Variants in LPCAT2 observed in about 807,000 individuals in gnomAD.
LPCAT2 encodes lysophosphatidylcholine acyltransferase 2.
A neutral mutation model predicts 64.7 loss-of-function variants in LPCAT2; 58 were observed. The observed-to-expected ratio is 0.90, with a 90% CI of 0.73 to 1.12. The LOEUF (loss-of-function observed/expected upper bound fraction) is 1.12. Ranked by LOEUF, LPCAT2 falls within the 50% of genes most tolerant of loss-of-function variation. LPCAT2 has a pLI of 0.00. For missense variants in LPCAT2, 579 were observed against 669.8 expected (o/e 0.86, Z 1.50); for synonymous variants, 252 against 245.3 (o/e 1.03, Z -0.26).
At chr16:55,550,475 C>T (rs375845435) in intron 10 of LPCAT2, among the ~76,000 whole-genome samples, 1 of 152,164 alleles carries the variant, frequency 6.6e-6, no homozygotes, top group Admixed American at 6.5e-5. Flanking sequence ...TATGGACTCA[C>T]TAAGTAATGT....
intron 11 of LPCAT2, among the ~76,000 whole-genome samples, chr16:55,570,559 G>A (rs7186553): frequency 0.54 from 81,271 of 151,624 alleles, 22,051 homozygotes; most frequent in East Asian, 0.73. Context: ...GCTTGAGCCC[G>A]GGGGGTCCAG....
intron 1 of LPCAT2, among the ~76,000 whole-genome samples, chr16:55,524,056 A>G (rs1230465605): frequency 2.0e-5 from 3 of 151,884 alleles, no homozygotes; most frequent in Non-Finnish European, 4.4e-5. Context: ...AATAACATCT[A>G]TGAGCCAGCA....
intron 1 of LPCAT2, among the ~76,000 whole-genome samples, chr16:55,517,645 G>A (rs1191734088): frequency 2.0e-5 from 3 of 152,054 alleles, no homozygotes; most frequent in Non-Finnish European, 2.9e-5. Flanking sequence ...TTATACCATG[G>A]CAAAGTCATA....
chr16:55,541,981 T>C (rs1350831109), intron 8 of LPCAT2: 1 of 1,183,046 alleles, frequency 8.5e-7, no homozygotes, highest in East Asian at 5.9e-5. Flanking sequence ...CCTTTTAAAA[T>C]TATTTTCTGT....
At chr16:55,575,087 GT>G (rs1371492303) in intron 12 of LPCAT2, among the ~76,000 whole-genome samples, 2 of 152,148 alleles carry the variant, frequency 1.3e-5, no homozygotes, top group Non-Finnish European at 2.9e-5. Flanking sequence ...TCTCTGGAAA[GT>G]TCTGATCTAT....
At chr16:55,557,579 G>A (rs1373616279) in intron 11 of LPCAT2, among the ~76,000 whole-genome samples, 2 of 152,170 alleles carry the variant, frequency 1.3e-5, no homozygotes, top group Non-Finnish European at 2.9e-5. Flanking sequence ...AAGGTAAGGT[G>A]TCCCTGTTGC....
chr16:55,555,228 A>G (rs1325075455), intron 11 of LPCAT2, among the ~76,000 whole-genome samples: 4 of 152,230 alleles, frequency 2.6e-5, no homozygotes, highest in Non-Finnish European at 5.9e-5. Flanking sequence ...AAAGAACAAT[A>G]ACATGAGATA....
chr16:55,521,601 T>C (rs768689153), intron 1 of LPCAT2, among the ~76,000 whole-genome samples: 4 of 151,750 alleles, frequency 2.6e-5, no homozygotes, highest in Non-Finnish European at 5.9e-5. Flanking sequence ...AGGTCAAATA[T>C]GGCATTGTAT....
intron 4 of LPCAT2, among the ~76,000 whole-genome samples, chr16:55,531,319 G>A (rs755460777): frequency 6.6e-6 from 1 of 152,024 alleles, no homozygotes; most frequent in African/African-American, 2.4e-5. Flanking sequence ...ACTTAATGGG[G>A]AAACTAACGT....
chr16:55,573,394 GT>G (rs71379092), intron 11 of LPCAT2, among the ~76,000 whole-genome samples: 279 of 147,618 alleles, frequency 1.9e-3, no homozygotes, highest in African/African-American at 5.6e-3. Context: ...TTGTTTTTTT[GT>G]TTTTTTTTTT....
rs1963641545 is a variant in LPCAT2, at chr16:55,561,969, C to T, written c.1215+10867C>T. On this transcript the variant is annotated intron_variant, in intron 11 of 13. Coordinates refer to ENST00000262134, the MANE Select transcript of LPCAT2 (RefSeq NM_017839.5). ...AGAGCGATGTCCCTTGGCTACTATT[C>T]TCTCCCTAATAATAGCTAGAATAAT... is the stretch of plus-strand genomic sequence containing the variant. 2.0e-5 allele frequency among the ~76,000 whole-genome samples: 3 copies of T among 152,012 alleles called. No homozygotes were observed. The South Asian group carries it at 6.2e-4, about 31-fold the overall frequency.
At chr16:55,578,469 C>G (rs1205948685) in intron 12 of LPCAT2, among the ~76,000 whole-genome samples, 1 of 152,160 alleles carries the variant, frequency 6.6e-6, no homozygotes, top group Non-Finnish European at 1.5e-5. Flanking sequence ...CTACAGACCC[C>G]TTATTGATAT....
At chr16:55,563,041 A>G (rs1963653738) in intron 11 of LPCAT2, among the ~76,000 whole-genome samples, 1 of 151,940 alleles carries the variant, frequency 6.6e-6, no homozygotes, top group South Asian at 2.1e-4. Context: ...CAGAAATGAA[A>G]GAGAAGACAT....
At chr16:55,548,023 C>T (rs1222303474) in intron 9 of LPCAT2, among the ~76,000 whole-genome samples, 1 of 152,214 alleles carries the variant, frequency 6.6e-6, no homozygotes, top group African/African-American at 2.4e-5. Flanking sequence ...CTGCCTTGTC[C>T]TCCCAAAGTG....
intron 11 of LPCAT2, among the ~76,000 whole-genome samples, chr16:55,565,646 A>C (rs1282908646): frequency 6.6e-6 from 1 of 152,122 alleles, no homozygotes; most frequent in Non-Finnish European, 1.5e-5. Flanking sequence ...AGGCATGCAG[A>C]GTAGTCAAAT....
chr16:55,554,817 C>T (rs1253150682), intron 11 of LPCAT2, among the ~76,000 whole-genome samples: 1 of 152,048 alleles, frequency 6.6e-6, no homozygotes, highest in Non-Finnish European at 1.5e-5. Flanking sequence ...ACTTAGGGGC[C>T]GTTGTAGTGT....
chr16:55,522,804 A>G (rs1479461310), intron 1 of LPCAT2, among the ~76,000 whole-genome samples: 1 of 151,812 alleles, frequency 6.6e-6, no homozygotes, highest in Non-Finnish European at 1.5e-5. Flanking sequence ...ACACAAAAAA[A>G]GTCATTTAAG....
At chr16:55,557,446 A>C (rs928078623) in intron 11 of LPCAT2, among the ~76,000 whole-genome samples, 1 of 152,174 alleles carries the variant, frequency 6.6e-6, no homozygotes, top group African/African-American at 2.4e-5. Flanking sequence ...TCTGTGAGTG[A>C]TTTAGCAGAG....
intron 2 of LPCAT2, among the ~76,000 whole-genome samples, chr16:55,527,598 C>T (rs1178222487): frequency 6.6e-6 from 1 of 151,726 alleles, no homozygotes; most frequent in Admixed American, 6.6e-5. Context: ...GTTTGCACTT[C>T]TAGGAATACA....
Sources: allele counts gnomAD v4.1 joint callset (sites outside exome capture counted in the v4.1 genomes callset), GRCh38; gene constraint gnomAD v4.1.1; transcripts MANE v1.5; gene names NCBI Gene and HGNC (gene_info 2026-07-23, HGNC 2026-07-21).